CELF2: variants seen among roughly 807,000 people sequenced by gnomAD.
The protein encoded by CELF2 is CUG triplet repeat RNA-binding protein 2.
A neutral mutation model predicts 62.6 loss-of-function variants in CELF2; 8 were observed. The observed-to-expected ratio is 0.13, with a 90% CI of 0.07 to 0.23. The LOEUF is 0.23. Ranked by LOEUF, CELF2 falls within the 10% of genes least tolerant of loss-of-function variation. CELF2 has a pLI of 1.00. For synonymous variants in CELF2, 258 were observed against 250.0 expected, an observed-to-expected ratio of 1.03 and a Z score of -0.30; for missense variants, 333 against 671.0, an observed-to-expected ratio of 0.50 and a Z score of 5.56.
Position 11,332,855 on chromosome 10 carries a change from C to CA in CELF2, c.*3803dup, listed in dbSNP as rs1408729410. The CA allele has an allele frequency of 6.6e-6, 1 of 152,646 alleles. No individual in the cohort carries two copies. Among genetic ancestry groups the CA allele is most frequent in the East Asian group, 1.9e-4 (1 of 5,202 alleles). The allele number at this position is 152,646 out of a possible 1,614,324, so 9.5% of individuals were successfully genotyped here. A position where few individuals can be genotyped will look rare whatever the true frequency, so the allele number is the denominator to read the frequency against. Reference sequence around the variant, plus strand: ...GTTTACTACTGCTGGGGCCTTCCTTCATCCTCTGAGGGCTATTTTGTACTT... The same window carrying CA: ...GTTTACTACTGCTGGGGCCTTCCTTCAATCCTCTGAGGGCTATTTTGTACTT... On this transcript the variant is annotated 3_prime_UTR_variant, in exon 13 of 13. Transcript: ENST00000633077.
chr10:10,845,213 C>T (rs2058933335), intron 1 of CELF2, among the ~76,000 whole-genome samples: 1 of 151,692 alleles, frequency 6.6e-6, no homozygotes, highest in African/African-American at 2.4e-5. Context: ...GCTTATTCTT[C>T]GAGGGCCTCA....
Position 11,280,281 on chromosome 10 carries a change from G to A in CELF2, c.841+5161G>A, listed in dbSNP as rs1040892466. On this transcript the variant is annotated intron_variant, in intron 8 of 12. Coordinates refer to ENST00000633077, the MANE Select transcript of CELF2 (RefSeq NM_001326342.2). The surrounding 1 kb of genome is among the most constrained non-coding windows in gnomAD (Gnocchi z 7.6). ...TAAGGGGAGTTGCAGGAGAGGCCCC[G>A]CGCCCCATCCAGGAGCAGGCCTGCG... Among the ~76,000 whole-genome samples, 15 of 152,124 alleles carry A rather than the reference G, an allele frequency of 9.9e-5. No individual in the cohort carries two copies. The highest frequency in any genetic ancestry group is 3.6e-4 in the African/African-American group (15 of 41,384).
chr10:11,206,479 C>G (rs963492952), intron 2 of CELF2, among the ~76,000 whole-genome samples: 13 of 152,228 alleles, frequency 8.5e-5, no homozygotes, highest in African/African-American at 3.1e-4. Flanking sequence ...CAAGACAGAA[C>G]TACCTTACAC....
intron 2 of CELF2, among the ~76,000 whole-genome samples, chr10:11,192,342 G>A (rs1203050343): frequency 6.6e-6 from 1 of 152,230 alleles, no homozygotes; most frequent in African/African-American, 2.4e-5. Flanking sequence ...TTATTCTAGT[G>A]ACATTCAAGG....
intron 1 of CELF2, among the ~76,000 whole-genome samples, chr10:10,850,712 T>G (rs1253812940): frequency 1.3e-5 from 2 of 152,222 alleles, no homozygotes; most frequent in Non-Finnish European, 1.5e-5. Context: ...TTATTAATGC[T>G]TTTAATCTTC....
the CELF2 span, among the ~76,000 whole-genome samples, chr10:10,545,884 G>A: frequency 2.0e-5 from 3 of 152,108 alleles, no homozygotes; most frequent in Non-Finnish European, 2.9e-5. Flanking sequence ...TTTAAATAAA[G>A]AGCATATCAA....
intron 1 of CELF2, among the ~76,000 whole-genome samples, chr10:11,099,265 C>T (rs1049560163): frequency 1.3e-5 from 2 of 152,148 alleles, no homozygotes; most frequent in Admixed American, 6.5e-5. Flanking sequence ...ATTAATAGCC[C>T]CCATCCATCA....
At chr10:10,918,724 C>G (rs1462908838) in intron 1 of CELF2, among the ~76,000 whole-genome samples, 1 of 152,170 alleles carries the variant, frequency 6.6e-6, no homozygotes, top group Admixed American at 6.5e-5. Context: ...GAACCGTCTG[C>G]AAGTGTGTAC....
At chr10:10,877,797 T>G (rs1435361823) in intron 1 of CELF2, among the ~76,000 whole-genome samples, 1 of 152,212 alleles carries the variant, frequency 6.6e-6, no homozygotes, top group Admixed American at 6.5e-5. Flanking sequence ...CATTCCTTCT[T>G]TGCTTCCTTT....
At chr10:11,065,539 G>C (rs1285538612) in intron 1 of CELF2, among the ~76,000 whole-genome samples, 1 of 152,140 alleles carries the variant, frequency 6.6e-6, no homozygotes, top group East Asian at 1.9e-4. Flanking sequence ...TCCAGTCGTT[G>C]TTTGTGATTT....
the CELF2 span, among the ~76,000 whole-genome samples, chr10:10,504,176 C>T: frequency 6.6e-6 from 1 of 152,008 alleles, no homozygotes; most frequent in Admixed American, 6.6e-5. Flanking sequence ...TGTAGTTGTT[C>T]CTTCCTGATG....
chr10:11,235,228 A>C (rs561790274), intron 3 of CELF2, among the ~76,000 whole-genome samples: 1 of 152,352 alleles, frequency 6.6e-6, no homozygotes, highest in East Asian at 1.9e-4. Flanking sequence ...ACATTTCCAC[A>C]GTTGTTAGAA....
At chr10:10,866,644 G>A (rs1448334872) in intron 1 of CELF2, among the ~76,000 whole-genome samples, 1 of 148,162 alleles carries the variant, frequency 6.7e-6, no homozygotes, top group Non-Finnish European at 1.5e-5. Flanking sequence ...CCAACAATCA[G>A]GTTTCGTGCA....
intron 1 of CELF2, among the ~76,000 whole-genome samples, chr10:11,057,341 G>C (rs970813026): frequency 6.6e-6 from 1 of 152,182 alleles, no homozygotes; most frequent in African/African-American, 2.4e-5. Flanking sequence ...TGCTCTACTA[G>C]CATGACCCGT....
the CELF2 span, among the ~76,000 whole-genome samples, chr10:10,783,205 T>C: frequency 6.6e-6 from 1 of 152,218 alleles, no homozygotes; most frequent in African/African-American, 2.4e-5. Context: ...TCACAGTATC[T>C]GTGACTGTGA....
the CELF2 span, among the ~76,000 whole-genome samples, chr10:10,699,920 A>G: frequency 1.6e-4 from 24 of 152,272 alleles, no homozygotes; most frequent in Admixed American, 4.6e-4. Context: ...TTCCATCTTC[A>G]TGGAGACTGC....
the CELF2 span, among the ~76,000 whole-genome samples, chr10:10,660,416 C>T: frequency 1.3e-5 from 2 of 152,154 alleles, no homozygotes; most frequent in African/African-American, 2.4e-5. Context: ...TTCAGCAAGC[C>T]CATGCCATCT....
chr10:11,121,704 GT>G lies in CELF2; in HGVS notation c.75-43774del, dbSNP rs200634842. Among the ~76,000 whole-genome samples, 4 of 132,320 alleles carry G rather than the reference GT, an allele frequency of 3.0e-5. No individual in the cohort carries two copies. The South Asian group carries it at 8.7e-4, about 29-fold the overall frequency. The allele number at this position is 132,320 out of a possible 152,430, so 86.8% of individuals were successfully genotyped here. ...GTGCTAAGAGGCTAGTATTTTTTTT[GT>G]TTTTTTTACTGTCTTTGACTTTGAT... On this transcript the variant is annotated intron_variant, in intron 1 of 12. Transcript: ENST00000633077.
chr10:11,080,053 G>A (rs955050892), intron 1 of CELF2, among the ~76,000 whole-genome samples: 1 of 152,212 alleles, frequency 6.6e-6, no homozygotes, highest in African/African-American at 2.4e-5. Context: ...ATTTATGAGA[G>A]TCATTAAGGT....
Sources: gnomAD v4.1 joint callset for allele counts (sites outside exome capture counted in the v4.1 genomes callset) on GRCh38, gnomAD v4.1.1 for gene constraint, Gnocchi (gnomAD v3.1) non-coding constraint, MANE v1.5 for transcripts, NCBI Gene and HGNC (gene_info 2026-07-23, HGNC 2026-07-21) for gene names.